Variants in ASIC2 observed in about 807,000 individuals in gnomAD.
The protein encoded by ASIC2 is acid-sensing ion channel 2.
A neutral mutation model predicts 57.3 loss-of-function variants in ASIC2; 25 were observed. The observed-to-expected ratio is 0.44, with a 90% CI of 0.32 to 0.61. The LOEUF is 0.61. ASIC2 is among the 20% of genes least tolerant of loss of function. The pLI is 0.06. For synonymous variants in ASIC2, 319 were observed against 307.5 expected, an observed-to-expected ratio of 1.04 and a Z score of -0.39; for missense variants, 641 against 738.1, an observed-to-expected ratio of 0.87 and a Z score of 1.52.
At chr17:34,014,791 T>C (rs772515649) in intron 1 of ASIC2, among the ~76,000 whole-genome samples, 20 of 152,218 alleles carry the variant, frequency 1.3e-4, no homozygotes, top group Non-Finnish European at 2.5e-4. Context: ...ATGGGAACGA[T>C]GCATATAGAA....
chr17:34,123,531 T>C (rs1373175024), intron 1 of ASIC2, among the ~76,000 whole-genome samples: 2 of 152,190 alleles, frequency 1.3e-5, no homozygotes, highest in Non-Finnish European at 1.5e-5. Flanking sequence ...TACCTCTTGC[T>C]TTCCACCTCT....
intron 1 of ASIC2, among the ~76,000 whole-genome samples, chr17:33,530,949 G>A (rs1260007745): frequency 1.3e-5 from 2 of 152,114 alleles, no homozygotes; most frequent in African/African-American, 4.8e-5. Flanking sequence ...TGCTGAGTTA[G>A]CTACTATCTT....
chr17:33,185,650 A>T (rs542929469), intron 1 of ASIC2, among the ~76,000 whole-genome samples: 7 of 152,286 alleles, frequency 4.6e-5, no homozygotes, highest in African/African-American at 1.7e-4. Context: ...TCACAAGATA[A>T]GAGTACACAA....
intron 1 of ASIC2, among the ~76,000 whole-genome samples, chr17:33,114,460 A>G (rs1251407722): frequency 6.6e-6 from 1 of 152,230 alleles, no homozygotes; most frequent in East Asian, 1.9e-4. Flanking sequence ...TCTCTTCAAA[A>G]TTGCTTAAAA....
At chr17:33,355,757 G>A (rs1200680633) in intron 1 of ASIC2, among the ~76,000 whole-genome samples, 1 of 152,144 alleles carries the variant, frequency 6.6e-6, no homozygotes, top group African/African-American at 2.4e-5. Flanking sequence ...AACATTTACT[G>A]TTTATCTACT....
At chr17:33,691,937 T>G (rs952758873) in intron 1 of ASIC2, among the ~76,000 whole-genome samples, 1 of 152,158 alleles carries the variant, frequency 6.6e-6, no homozygotes, top group African/African-American at 2.4e-5. Context: ...CATCATAAAG[T>G]GCACTAACAT....
intron 1 of ASIC2, among the ~76,000 whole-genome samples, chr17:34,118,049 G>C (rs1026549954): frequency 4.6e-5 from 7 of 152,102 alleles, no homozygotes; most frequent in Admixed American, 6.6e-5. Context: ...CAGGCTGGGG[G>C]GTCTCCTGGC....
Position 33,046,399 on chromosome 17 carries a change from T to A in ASIC2, c.988-18007A>T, listed in dbSNP as rs148571103. ...GTAGAGCACATCTCAATGCATTTGC[T>A]GCAATTTTGGCTTTTGCTCTATTCA... is the stretch of plus-strand genomic sequence containing the variant. On this transcript the variant is annotated intron_variant, in intron 3 of 9. Transcript: ENST00000225823. Among the ~76,000 whole-genome samples the A allele has an allele frequency of 2.0e-5, 3 of 152,352 alleles. No individual in the cohort carries two copies. In the East Asian group the frequency reaches 5.8e-4, roughly 29 times the overall value.
At chr17:34,023,514 G>A (rs890062955) in intron 1 of ASIC2, among the ~76,000 whole-genome samples, 1 of 152,122 alleles carries the variant, frequency 6.6e-6, no homozygotes, top group Admixed American at 6.5e-5. Flanking sequence ...CAATGTGACA[G>A]TATTAAGAAG....
intron 1 of ASIC2, chr17:33,534,404 C>A (rs918753313): frequency 1.3e-5 from 2 of 152,146 alleles, no homozygotes; most frequent in African/African-American, 4.8e-5. Flanking sequence ...GCTCACGAGG[C>A]AGGAGCAGTA....
At chr17:34,059,855 T>C (rs1908906418) in intron 1 of ASIC2, among the ~76,000 whole-genome samples, 1 of 151,642 alleles carries the variant, frequency 6.6e-6, no homozygotes, top group Admixed American at 6.6e-5. Flanking sequence ...CCAAGGAGAG[T>C]TTGAGATCAG....
chr17:33,851,029 G>A (rs1913749636), intron 1 of ASIC2, among the ~76,000 whole-genome samples: 1 of 152,048 alleles, frequency 6.6e-6, no homozygotes, highest in South Asian at 2.1e-4. Flanking sequence ...TAAGAGACTT[G>A]GTGCTAGTTT....
chr17:33,954,580 G>A (rs1289342615), intron 1 of ASIC2, among the ~76,000 whole-genome samples: 1 of 152,154 alleles, frequency 6.6e-6, no homozygotes, highest in Non-Finnish European at 1.5e-5. Flanking sequence ...CAGTGCCACT[G>A]GGGCTGTAAA....
chr17:34,084,171 C>G (rs552951976), intron 1 of ASIC2, among the ~76,000 whole-genome samples: 2 of 151,848 alleles, frequency 1.3e-5, no homozygotes, highest in East Asian at 3.9e-4. Flanking sequence ...ACGTTTAAGT[C>G]TTTAATCCAT....
chr17:33,629,908 A>G lies in ASIC2; in HGVS notation c.556-517841T>C, dbSNP rs1223830669. On this transcript the variant is annotated intron_variant, in intron 1 of 9. Transcript: ENST00000359872. ...AAGAGATTTTATGTTTCTCAGCTGC[A>G]GTACCATGAGGCTCAGCAAGACGAG... Among the ~76,000 whole-genome samples the G allele has an allele frequency of 1.3e-5, 2 of 152,218 alleles. 1 individual carries two copies. The highest frequency in any genetic ancestry group is 2.9e-5 in the Non-Finnish European group (2 of 68,034).
chr17:33,101,829 G>A (rs547489774), intron 2 of ASIC2, among the ~76,000 whole-genome samples: 10 of 152,028 alleles, frequency 6.6e-5, no homozygotes, highest in Non-Finnish European at 1.2e-4. Flanking sequence ...TCTCTCTTGC[G>A]AAATAAATAT....
chr17:33,265,440 C>T (rs1035218626), intron 1 of ASIC2, among the ~76,000 whole-genome samples: 4 of 152,084 alleles, frequency 2.6e-5, no homozygotes, highest in Non-Finnish European at 4.4e-5. Flanking sequence ...TCCTCACTTA[C>T]AAGTGGGAGC....
At chr17:33,931,448 T>G (rs550397395) in intron 1 of ASIC2, 3 of 152,370 alleles carry the variant, frequency 2.0e-5, no homozygotes, top group African/African-American at 7.2e-5. Flanking sequence ...AGCGCCGGGC[T>G]GTCTGACTAC....
At position 34,152,416 on chromosome 17, in the gene ASIC2, T is replaced by C. The variant is rs554316164; in HGVS notation, c.555+3562A>G. On this transcript the variant is annotated intron_variant, in intron 1 of 9. Transcript: ENST00000359872. ...AGGGCCACCACCTGTCAGCAAGAGT[T>C]AACTATCGAATCCAACTGTGACCTC... is the stretch of plus-strand genomic sequence containing the variant. Among the ~76,000 whole-genome samples, 5 of 152,236 alleles carry C rather than the reference T, an allele frequency of 3.3e-5. No individual in the cohort carries two copies. In the South Asian group the frequency reaches 1.0e-3, roughly 32 times the overall value.
Sources: gnomAD v4.1 joint callset for allele counts (sites outside exome capture counted in the v4.1 genomes callset) on GRCh38, gnomAD v4.1.1 for gene constraint, MANE v1.5 for transcripts, NCBI Gene and HGNC (gene_info 2026-07-23, HGNC 2026-07-21) for gene names.